The following CFAP299 variants were observed in gnomAD, a reference collection of about 807,000 sequenced individuals.
CFAP299 encodes the protein cilia- and flagella-associated protein 299.
CFAP299 carries 21 observed loss-of-function variants against 27.0 expected under a neutral mutation model. The observed-to-expected ratio is 0.78, with a 90% CI of 0.55 to 1.12. CFAP299 has a LOEUF of 1.12. Ranked by LOEUF, CFAP299 falls within the 50% of genes most tolerant of loss-of-function variation. The probability of loss-of-function intolerance (pLI) is 0.00; values close to 1 mark genes in which losing one functional copy is unlikely to be tolerated. For missense variants in CFAP299, 310 were observed against 276.6 expected, an observed-to-expected ratio of 1.12 and a Z score of -0.86; for synonymous variants, 104 against 98.1, an observed-to-expected ratio of 1.06 and a Z score of -0.36.
chr4:80,728,722 A>T (rs1723305357), intron 3 of CFAP299, among the ~76,000 whole-genome samples: 1 of 152,138 alleles, frequency 6.6e-6, no homozygotes, highest in Non-Finnish European at 1.5e-5. Context: ...TAGTTCCTGC[A>T]TTAGTCCCCA....
At chr4:80,863,686 G>A (rs1277575753) in intron 3 of CFAP299, among the ~76,000 whole-genome samples, 3 of 152,002 alleles carry the variant, frequency 2.0e-5, no homozygotes, top group African/African-American at 2.4e-5. Context: ...AAATAGATCC[G>A]TATTCATGGC....
intron 2 of CFAP299, among the ~76,000 whole-genome samples, chr4:80,510,073 A>T (rs1341193775): frequency 1.3e-5 from 2 of 152,090 alleles, no homozygotes; most frequent in Non-Finnish European, 2.9e-5. Flanking sequence ...TAATTTGAAC[A>T]TGGCACCTGA....
chr4:80,652,708 A>G (rs903296778), intron 3 of CFAP299, among the ~76,000 whole-genome samples: 2 of 152,084 alleles, frequency 1.3e-5, no homozygotes, highest in African/African-American at 2.4e-5. Flanking sequence ...GTGTTGACCA[A>G]CTACACTTCT....
At chr4:80,631,992 T>A (rs1045791250) in intron 3 of CFAP299, among the ~76,000 whole-genome samples, 5 of 151,454 alleles carry the variant, frequency 3.3e-5, no homozygotes, top group African/African-American at 1.2e-4. Context: ...TTTGTGCCCT[T>A]ATAAAAGAGG....
chr4:80,713,973 T>C (rs7684352), intron 3 of CFAP299, among the ~76,000 whole-genome samples: 10,497 of 152,138 alleles, frequency 0.069, 813 homozygotes, highest in African/African-American at 0.18. Context: ...CAAGTAGAAG[T>C]AGGCCACAGA....
intron 3 of CFAP299, among the ~76,000 whole-genome samples, chr4:80,690,757 T>C (rs1720614766): frequency 6.6e-6 from 1 of 151,854 alleles, no homozygotes. Flanking sequence ...ATCCAGGAGC[T>C]GGTTTTTTGA....
intron 3 of CFAP299, among the ~76,000 whole-genome samples, chr4:80,585,588 CTATGTTGCTGTGCTCAG>C (rs1298529069): frequency 6.6e-6 from 1 of 152,082 alleles, no homozygotes; most frequent in Non-Finnish European, 1.5e-5. Flanking sequence ...GGTCTAAGGG[CTATGTTGCTGTGCTCAG>C]TAGTGTGGAC....
At chr4:80,916,698 T>C (rs1735783122) in intron 4 of CFAP299, among the ~76,000 whole-genome samples, 1 of 151,988 alleles carries the variant, frequency 6.6e-6, no homozygotes, top group African/African-American at 2.4e-5. Flanking sequence ...TCCATAACAT[T>C]GTAAATGAAA....
intron 3 of CFAP299, among the ~76,000 whole-genome samples, chr4:80,599,781 C>T (rs1286882027): frequency 1.3e-5 from 2 of 152,126 alleles, no homozygotes; most frequent in African/African-American, 2.4e-5. Context: ...GAAACTTGTG[C>T]TTAAGTTGTA....
intron 3 of CFAP299, among the ~76,000 whole-genome samples, chr4:80,695,815 C>T (rs1475440987): frequency 1.3e-5 from 2 of 151,680 alleles, no homozygotes; most frequent in Admixed American, 6.6e-5. Context: ...ACCAAGACAC[C>T]AGGATAACTT....
chr4:80,437,607 C>T (rs970585488), intron 2 of CFAP299, among the ~76,000 whole-genome samples: 3 of 152,198 alleles, frequency 2.0e-5, no homozygotes, highest in Non-Finnish European at 4.4e-5. Context: ...CTGTCCTTTG[C>T]TCCAGAGGGG....
intron 2 of CFAP299, among the ~76,000 whole-genome samples, chr4:80,427,508 T>C (rs1449323359): frequency 2.0e-5 from 3 of 152,332 alleles, no homozygotes; most frequent in African/African-American, 7.2e-5. Context: ...CTCACGGACC[T>C]TTTCAGGTTT....
intron 3 of CFAP299, among the ~76,000 whole-genome samples, chr4:80,630,994 C>T (rs1165311893): frequency 6.6e-6 from 1 of 151,910 alleles, no homozygotes; most frequent in African/African-American, 2.4e-5. Context: ...AATTAGAAAG[C>T]ATAAAAGAGG....
intron 3 of CFAP299, among the ~76,000 whole-genome samples, chr4:80,777,225 C>G (rs1306012392): frequency 6.6e-6 from 1 of 152,122 alleles, no homozygotes; most frequent in African/African-American, 2.4e-5. Flanking sequence ...AAATGTTTAT[C>G]CTCTTTGAAA....
intron 3 of CFAP299, among the ~76,000 whole-genome samples, chr4:80,858,544 G>A (rs371828177): frequency 3.9e-5 from 6 of 152,064 alleles, no homozygotes; most frequent in African/African-American, 1.2e-4. Context: ...CTGTGGGCAT[G>A]TAGTGCTATA....
rs184584358 is a variant in CFAP299 at position 80,598,805 on chromosome 4, A to G, written c.333+15622A>G. On this transcript the variant is annotated intron_variant, in intron 3 of 5. Coordinates refer to ENST00000358105, the MANE Select transcript of CFAP299 (RefSeq NM_152770.3). Reference sequence around the variant, plus strand: ...GCAAAGCTATTTAGTTGTACCTAACATACTGTTTCCTCAGATTTTCAAGCA... The same window carrying G: ...GCAAAGCTATTTAGTTGTACCTAACGTACTGTTTCCTCAGATTTTCAAGCA... Among the ~76,000 whole-genome samples the G allele has an allele frequency of 3.9e-4, 59 of 152,332 alleles. 1 individual carries two copies. Among genetic ancestry groups the G allele is most frequent in the African/African-American group, 1.2e-3 (51 of 41,584 alleles).
intron 2 of CFAP299, among the ~76,000 whole-genome samples, chr4:80,489,808 GT>G (rs1731022352): frequency 6.6e-6 from 1 of 152,110 alleles, no homozygotes; most frequent in African/African-American, 2.4e-5. Flanking sequence ...TTATAATTTT[GT>G]TTTTGTTGAC....
At chr4:80,931,461 G>T (rs931594930) in intron 4 of CFAP299, among the ~76,000 whole-genome samples, 1 of 152,112 alleles carries the variant, frequency 6.6e-6, no homozygotes, top group Non-Finnish European at 1.5e-5. Flanking sequence ...CATGAACGAT[G>T]TCAAGTATTT....
At chr4:80,753,003 C>T (rs923932829) in intron 3 of CFAP299, among the ~76,000 whole-genome samples, 7 of 151,690 alleles carry the variant, frequency 4.6e-5, no homozygotes, top group Non-Finnish European at 7.4e-5. Context: ...TCCTTTAGCA[C>T]GTTTGTATTG....
Sources: allele counts gnomAD v4.1 joint callset (sites outside exome capture counted in the v4.1 genomes callset), GRCh38; gene constraint gnomAD v4.1.1; transcripts MANE v1.5; gene names NCBI Gene and HGNC (gene_info 2026-07-23, HGNC 2026-07-21).